Variants in GPC6 observed in about 807,000 individuals in gnomAD.
GPC6 encodes the protein glypican-6.
In GPC6, 14 loss-of-function variants were observed where a neutral mutation model predicts 55.2. The observed-to-expected ratio is 0.25, with a 90% CI of 0.17 to 0.40. GPC6 has a LOEUF of 0.40. GPC6 is among the 10% of genes least tolerant of loss of function. The probability of loss-of-function intolerance (pLI) is 1.00; values close to 1 mark genes in which losing one functional copy is unlikely to be tolerated. For missense variants in GPC6, 641 were observed against 708.5 expected (o/e 0.90, Z 1.08); for synonymous variants, 278 against 259.6 (o/e 1.07, Z -0.68).
intron 1 of GPC6, among the ~76,000 whole-genome samples, chr13:93,512,081 G>T (rs1220994681): frequency 1.3e-5 from 2 of 151,942 alleles, no homozygotes; most frequent in African/African-American, 4.8e-5. Context: ...GAGATATTTT[G>T]GTGGAATCTT....
chr13:94,351,705 C>T (rs1249344485), intron 6 of GPC6, among the ~76,000 whole-genome samples: 2 of 151,936 alleles, frequency 1.3e-5, no homozygotes, highest in Non-Finnish European at 2.9e-5. Flanking sequence ...ATGACCTTAA[C>T]CCCCCACCCT....
chr13:93,945,295 T>C (rs1878951422), intron 3 of GPC6, among the ~76,000 whole-genome samples: 1 of 152,232 alleles, frequency 6.6e-6, no homozygotes, highest in Non-Finnish European at 1.5e-5. Context: ...AATGTATTCG[T>C]GGATGTAAAA....
chr13:93,431,692 G>A (rs972470762), intron 1 of GPC6, among the ~76,000 whole-genome samples: 13 of 152,118 alleles, frequency 8.5e-5, no homozygotes, highest in Admixed American at 8.5e-4. Context: ...AGAAGAATAT[G>A]TATATACTAG....
chr13:93,990,929 G>A (rs891776118), intron 3 of GPC6, among the ~76,000 whole-genome samples: 5 of 150,520 alleles, frequency 3.3e-5, no homozygotes, highest in African/African-American at 4.9e-5. Context: ...AAAAAAAAGC[G>A]GGAGGGAGGA....
intron 3 of GPC6, among the ~76,000 whole-genome samples, chr13:93,843,151 C>T (rs536630365): frequency 4.7e-5 from 7 of 150,426 alleles, no homozygotes; most frequent in South Asian, 2.1e-4. Flanking sequence ...TGTTTGCTGC[C>T]GATATATCTG....
At chr13:93,691,230 A>G (rs932919634) in intron 2 of GPC6, among the ~76,000 whole-genome samples, 4 of 152,068 alleles carry the variant, frequency 2.6e-5, no homozygotes, top group Admixed American at 6.6e-5. Flanking sequence ...TCCTTTCTCT[A>G]CCCCAAAGTC....
chr13:93,680,609 A>T (rs1881811295), intron 2 of GPC6, among the ~76,000 whole-genome samples: 1 of 152,158 alleles, frequency 6.6e-6, no homozygotes, highest in African/African-American at 2.4e-5. Flanking sequence ...AGAACCAGAA[A>T]TACAGAGTAA....
chr13:93,425,640 C>T (rs1427742319), intron 1 of GPC6, among the ~76,000 whole-genome samples: 1 of 152,188 alleles, frequency 6.6e-6, no homozygotes, highest in Non-Finnish European at 1.5e-5. Flanking sequence ...CTCCAGTAAT[C>T]TCAGAAGAGA....
rs540744360 is a variant in GPC6 at position 94,184,894 on chromosome 13, G to A, written c.878-101455G>A. On this transcript the variant is annotated intron_variant, in intron 4 of 8. Transcript: ENST00000377047. ...TAGCAAATACATAGAATCAACCTAC[G>A]TGCTCATCAGTGATGGACTGGATAA... Among the ~76,000 whole-genome samples, 414 of 152,132 alleles carry A rather than the reference G, an allele frequency of 2.7e-3. 1 individual carries two copies. Among genetic ancestry groups the A allele is most frequent in the African/African-American group, 9.3e-3 (386 of 41,504 alleles).
At chr13:93,846,771 G>C (rs1028868754) in intron 3 of GPC6, among the ~76,000 whole-genome samples, 1 of 152,108 alleles carries the variant, frequency 6.6e-6, no homozygotes, top group African/African-American at 2.4e-5. Flanking sequence ...CTGAGATTGC[G>C]CCATTGCACT....
intron 1 of GPC6, among the ~76,000 whole-genome samples, chr13:93,374,625 A>G (rs1874810195): frequency 6.6e-6 from 1 of 152,222 alleles, no homozygotes; most frequent in African/African-American, 2.4e-5. Context: ...TGGCATCACC[A>G]ATCTTTAATA....
chr13:93,532,757 A>G (rs181303911), intron 1 of GPC6, among the ~76,000 whole-genome samples: 1 of 152,320 alleles, frequency 6.6e-6, no homozygotes, highest in Admixed American at 6.5e-5. Context: ...AAACACTGGC[A>G]GAAGAACTAA....
chr13:93,902,884 G>A (rs1214864520), intron 3 of GPC6, among the ~76,000 whole-genome samples: 6 of 151,956 alleles, frequency 3.9e-5, no homozygotes, highest in African/African-American at 1.2e-4. Context: ...TTGGATTATT[G>A]GAGGTTTTTT....
chr13:93,776,684 A>G (rs1007978839), intron 2 of GPC6, among the ~76,000 whole-genome samples: 2 of 152,232 alleles, frequency 1.3e-5, no homozygotes, highest in African/African-American at 4.8e-5. Context: ...TGGCTTCACT[A>G]GAAGAAGTTT....
rs74108503 is a variant in GPC6 at position 93,360,560 on chromosome 13, G to A, written c.160+132944G>A. Among the ~76,000 whole-genome samples, 594 of 152,156 alleles carry A rather than the reference G, an allele frequency of 3.9e-3. 3 individuals are homozygous for A. Among genetic ancestry groups the A allele is most frequent in the African/African-American group, 0.014 (569 of 41,428 alleles). On this transcript the variant is annotated intron_variant, in intron 1 of 8. Transcript: ENST00000377047. ...AAATATGAGAATTCTATTGTGTGCT[G>A]TGTGTGTAGATAAAAAAAGTAAGTG...
chr13:94,146,837 C>T (rs552466359), intron 4 of GPC6, among the ~76,000 whole-genome samples: 2 of 152,028 alleles, frequency 1.3e-5, no homozygotes, highest in East Asian at 3.9e-4. Flanking sequence ...ATAAAATGAG[C>T]GTTGATAATT....
At chr13:94,206,296 T>C (rs994247316) in intron 4 of GPC6, among the ~76,000 whole-genome samples, 1 of 152,192 alleles carries the variant, frequency 6.6e-6, no homozygotes, top group African/African-American at 2.4e-5. Flanking sequence ...GTGTCTCTTT[T>C]TTCTTTCTCA....
chr13:93,492,058 A>G (rs9741114), intron 1 of GPC6, among the ~76,000 whole-genome samples: 22,447 of 137,154 alleles, frequency 0.16, 1,913 homozygotes, highest in Middle Eastern at 0.24. Flanking sequence ...TTCTGTGAAG[A>G]AAGTCATTGG....
chr13:93,500,173 T>A (rs553553351), intron 1 of GPC6, among the ~76,000 whole-genome samples: 1 of 152,136 alleles, frequency 6.6e-6, no homozygotes, highest in Non-Finnish European at 1.5e-5. Flanking sequence ...CAGGTTGGCA[T>A]TTGGTGTGAG....
Sources: allele counts gnomAD v4.1 joint callset (sites outside exome capture counted in the v4.1 genomes callset), GRCh38; gene constraint gnomAD v4.1.1; transcripts MANE v1.5; gene names NCBI Gene and HGNC (gene_info 2026-07-23, HGNC 2026-07-21).